BTRC: variants seen among roughly 807,000 people sequenced by gnomAD.
BTRC encodes the protein beta-transducin repeat containing E3 ubiquitin protein ligase, also known as F-box/WD repeat-containing protein 1A.
BTRC carries 42 observed loss-of-function variants against 85.5 expected under a neutral mutation model. The ratio of observed to expected loss-of-function variants is 0.49; its 90% CI spans 0.38 to 0.64. The LOEUF (loss-of-function observed/expected upper bound fraction) is 0.64, where lower values mean the gene tolerates loss of function less well. Among genes scored for constraint, BTRC ranks in the 30% least tolerant of loss-of-function variants. The probability of loss-of-function intolerance (pLI) is 0.00; values close to 1 mark genes in which losing one functional copy is unlikely to be tolerated. For synonymous variants in BTRC, 255 were observed against 263.3 expected (o/e 0.97, Z 0.30); for missense variants, 594 against 743.5 (o/e 0.80, Z 2.34).
intron 5 of BTRC, among the ~76,000 whole-genome samples, chr10:101,523,282 AG>A (rs1256892485): frequency 6.6e-6 from 1 of 152,338 alleles, no homozygotes; most frequent in South Asian, 2.1e-4. Flanking sequence ...GTTTTTAGAA[AG>A]AAGGATATCT....
intron 4 of BTRC, among the ~76,000 whole-genome samples, chr10:101,491,476 C>T (rs1271154218): frequency 1.3e-5 from 2 of 152,096 alleles, no homozygotes; most frequent in Admixed American, 6.6e-5. Flanking sequence ...GGGAGGAACA[C>T]CTGAGGTCAG....
intron 1 of BTRC, among the ~76,000 whole-genome samples, chr10:101,375,274 C>T (rs1281344695): frequency 2.0e-5 from 3 of 152,076 alleles, no homozygotes; most frequent in African/African-American, 4.8e-5. Flanking sequence ...CTGCCCCCCT[C>T]TCTTCCCCCC....
chr10:101,446,256 C>T (rs954601211), intron 2 of BTRC, among the ~76,000 whole-genome samples: 1 of 152,046 alleles, frequency 6.6e-6, no homozygotes, highest in African/African-American at 2.4e-5. Context: ...ATCCTACTAG[C>T]CTCTAAGGTA....
intron 4 of BTRC, among the ~76,000 whole-genome samples, chr10:101,518,397 T>G (rs1167970551): frequency 6.6e-6 from 1 of 152,202 alleles, no homozygotes; most frequent in Non-Finnish European, 1.5e-5. Flanking sequence ...TAGCCTGAGT[T>G]TCTTACATGG....
Position 101,532,451 on chromosome 10 carries a change from T to C in BTRC, c.978+19T>C, listed in dbSNP as rs377052940. On this transcript the variant is annotated intron_variant, in intron 8 of 14. Coordinates refer to ENST00000370187, the MANE Select transcript of BTRC (RefSeq NM_033637.4). ...AATCAAGGTGAGGTCTATTCAGTTG[T>C]AGAAAGGTAGCAGAGGGAGCAAGAG... is the stretch of plus-strand genomic sequence containing the variant. The C allele has an allele frequency of 5.6e-6, 9 of 1,593,792 alleles. No homozygotes were observed. Among genetic ancestry groups the C allele is most frequent in the Non-Finnish European group, 7.7e-6 (9 of 1,170,702 alleles).
chr10:101,437,404 T>A (rs1433323316), intron 2 of BTRC, among the ~76,000 whole-genome samples: 1 of 152,216 alleles, frequency 6.6e-6, no homozygotes, highest in African/African-American at 2.4e-5. Context: ...TATCCATCCA[T>A]GTGTGCCTGT....
chr10:101,492,768 T>A (rs1021978214), intron 4 of BTRC, among the ~76,000 whole-genome samples: 1 of 152,188 alleles, frequency 6.6e-6, no homozygotes, highest in African/African-American at 2.4e-5. Flanking sequence ...GGAGTATAGA[T>A]ACCACGAGTG....
intron 14 of BTRC, 68 bp downstream of exon 14, chr10:101,550,959 AGTT>A: frequency 7.2e-7 from 1 of 1,394,672 alleles, no homozygotes; most frequent in Non-Finnish European, 9.7e-7. Flanking sequence ...AGGTGTTGCT[AGTT>A]CATGGAACTT....
intron 1 of BTRC, among the ~76,000 whole-genome samples, chr10:101,407,277 G>A (rs933757182): frequency 2.6e-5 from 4 of 152,188 alleles, no homozygotes; most frequent in Non-Finnish European, 5.9e-5. Context: ...GAGCTCAGGA[G>A]TTTGAGGTTC....
chr10:101,360,999 T>C (rs1397043820), intron 1 of BTRC, among the ~76,000 whole-genome samples: 1 of 151,344 alleles, frequency 6.6e-6, no homozygotes, highest in Admixed American at 6.6e-5. Flanking sequence ...AGAGATGGGG[T>C]CTTGCTGTGT....
intron 3 of BTRC, among the ~76,000 whole-genome samples, chr10:101,464,017 G>C (rs1368188246): frequency 2.0e-5 from 3 of 151,606 alleles, no homozygotes; most frequent in Admixed American, 6.6e-5. Flanking sequence ...AATTTTAACT[G>C]TTTGGAGAAT....
At chr10:101,474,620 T>A (rs752565531) in intron 3 of BTRC, among the ~76,000 whole-genome samples, 13 of 152,346 alleles carry the variant, frequency 8.5e-5, no homozygotes, top group South Asian at 6.2e-4. Flanking sequence ...TCTCTTTCAT[T>A]TCTGGGATTT....
chr10:101,426,071 T>C (rs1944244071), intron 1 of BTRC, among the ~76,000 whole-genome samples: 1 of 152,184 alleles, frequency 6.6e-6, no homozygotes, highest in Non-Finnish European at 1.5e-5. Context: ...GTAACCAAAA[T>C]GACAGTCCTT....
intron 6 of BTRC, among the ~76,000 whole-genome samples, chr10:101,526,992 A>C (rs2062202057): frequency 6.6e-6 from 1 of 152,226 alleles, no homozygotes; most frequent in African/African-American, 2.4e-5. Flanking sequence ...AACTTCTGAA[A>C]GATATCTTTC....
At chr10:101,519,382 C>T (rs1285526451) in intron 4 of BTRC, among the ~76,000 whole-genome samples, 1 of 152,062 alleles carries the variant, frequency 6.6e-6, no homozygotes, top group African/African-American at 2.4e-5. Context: ...ACCCGGCCCT[C>T]AGCTCATTCT....
intron 1 of BTRC, among the ~76,000 whole-genome samples, chr10:101,389,134 T>G (rs1177195380): frequency 5.7e-5 from 8 of 140,204 alleles, no homozygotes; most frequent in Admixed American, 2.1e-4. Flanking sequence ...TTTTTTTTTT[T>G]TTTTTTTTTT....
intron 13 of BTRC, among the ~76,000 whole-genome samples, chr10:101,541,798 A>G (rs1370274552): frequency 1.3e-5 from 2 of 152,064 alleles, no homozygotes. Flanking sequence ...ATGAGGTATA[A>G]TTCTTTTTAT....
At chr10:101,444,099 T>G (rs894333813) in intron 2 of BTRC, among the ~76,000 whole-genome samples, 1 of 148,326 alleles carries the variant, frequency 6.7e-6, no homozygotes, top group Non-Finnish European at 1.5e-5. Flanking sequence ...AATGGTATAC[T>G]TATGTTCATA....
intron 1 of BTRC, among the ~76,000 whole-genome samples, chr10:101,401,856 AAAAAG>A (rs1564749196): frequency 1.3e-5 from 2 of 151,080 alleles, no homozygotes. Context: ...AAAAAAAAAG[AAAAAG>A]AAAAACAATG....
Sources: allele counts gnomAD v4.1 joint callset (sites outside exome capture counted in the v4.1 genomes callset), GRCh38; gene constraint gnomAD v4.1.1; transcripts MANE v1.5; gene names NCBI Gene and HGNC (gene_info 2026-07-23, HGNC 2026-07-21).